HSPG2: variants seen among roughly 807,000 people sequenced by gnomAD.
HSPG2 encodes the protein basement membrane-specific heparan sulfate proteoglycan core protein.
A neutral mutation model predicts 526.6 loss-of-function variants in HSPG2; 278 were observed. That is an observed-to-expected ratio of 0.53 (90% CI 0.48 to 0.58). The LOEUF is 0.58. HSPG2 is among the 20% of genes least tolerant of loss of function. HSPG2 has a pLI of 0.00. For synonymous variants in HSPG2, 2,465 were observed against 2,555.4 expected, an observed-to-expected ratio of 0.96 and a Z score of 1.07; for missense variants, 5,354 against 6,099.5, an observed-to-expected ratio of 0.88 and a Z score of 4.07.
At chr1:21,906,809 A>G (rs1413165738) in intron 1 of HSPG2, among the ~76,000 whole-genome samples, 5 of 152,046 alleles carry the variant, frequency 3.3e-5, no homozygotes, top group Admixed American at 3.3e-4. Flanking sequence ...AAGGCTCACT[A>G]GACTAGGGTT....
At chr1:21,916,545 T>A (rs561321100) in intron 1 of HSPG2, among the ~76,000 whole-genome samples, 1 of 150,578 alleles carries the variant, frequency 6.6e-6, no homozygotes, top group East Asian at 2.0e-4. Context: ...ACAAAAAAAA[T>A]TGCCAGTGTG....
chr1:21,912,408 A>G (rs1051562917), intron 1 of HSPG2, among the ~76,000 whole-genome samples: 1 of 151,524 alleles, frequency 6.6e-6, no homozygotes, highest in Non-Finnish European at 1.5e-5. Context: ...CTCTCCAAAG[A>G]CCCCCGGGGA....
rs554285835 is a variant in HSPG2 at position 21,878,916 on chromosome 1, G to A, written c.2471+78C>T. The A allele has an allele frequency of 2.9e-4, 442 of 1,532,958 alleles. 3 individuals carry two copies. The African/African-American group carries it at 5.1e-3, about 18-fold the overall frequency. 95.0% of individuals were successfully genotyped at this position (1,532,958 alleles called of 1,614,324 possible). A position where few individuals can be genotyped will look rare whatever the true frequency, so the allele number is the denominator to read the frequency against. On this transcript the variant is annotated intron_variant, in intron 18 of 96. Transcript: ENST00000374695. ...GTAGAGATCTGAATCCAAGTCTCCT[G>A]CCTCCCTGCCCAGAATATTCTCTGG...
chr1:21,931,508 G>A (rs768853619), intron 1 of HSPG2, among the ~76,000 whole-genome samples: 2 of 152,216 alleles, frequency 1.3e-5, no homozygotes, highest in Non-Finnish European at 2.9e-5. Context: ...GGGACAGGGA[G>A]AGGTAGGCCC....
In HSPG2 at chr1:21,842,882, G is replaced by A. The variant is rs1462127809; in HGVS notation, c.8798C>T (p.Ser2933Phe). 2.5e-6 allele frequency: 4 copies of A among 1,614,150 alleles called. No individual in the cohort carries two copies. Among genetic ancestry groups the A allele is most frequent in the South Asian group, 1.1e-5 (1 of 91,088 alleles). The change falls in exon 67 of 97, where the codon TCT (serine) becomes TTT (phenylalanine). Residue 2933 changes from serine (S) to phenylalanine (F), a missense_variant. Transcript: ENST00000374695. ...LAQPIYIEAS[S>F]SHVTEGQTLD... ...AGTCTGCCCTTCAGTCACGTGTGAA[G>A]AGGAGGCCTCGATGTAGATGGGCTG...
At chr1:21,934,647 G>C (rs953551774) in intron 1 of HSPG2, among the ~76,000 whole-genome samples, 3 of 151,812 alleles carry the variant, frequency 2.0e-5, no homozygotes, top group Non-Finnish European at 4.4e-5. Context: ...CCAGGCTGGA[G>C]TGCAGTGGCG....
In HSPG2 at chr1:21,865,418, C is replaced by T; in HGVS notation, c.4315-53G>A. On this transcript the variant is annotated intron_variant, in intron 34 of 96. Transcript: ENST00000374695. The surrounding 1 kb of genome is among the most constrained non-coding windows in gnomAD (Gnocchi z 5.4). ...GGGAGCCGAGGGGTCCCTGGGGTGC[C>T]AGGGTGTCCTCCACCAGTCCTAGAT... 6.5e-7 allele frequency: 1 copy of T among 1,534,398 alleles called. No individual in the cohort carries two copies. The highest frequency in any genetic ancestry group is 9.0e-7 in the Non-Finnish European group (1 of 1,108,450).
chr1:21,841,792 G>T, intron 69 of HSPG2, 119 bp from the exon 70 acceptor site: 1 of 1,394,316 alleles, frequency 7.2e-7, no homozygotes, highest in Non-Finnish European at 1.0e-6. Flanking sequence ...GGTGTGTCTA[G>T]CTCATGGAGT....
At chr1:21,833,167 C>T in intron 80 of HSPG2, 101 bp downstream of exon 80, 1 of 976,916 alleles carries the variant, frequency 1.0e-6, no homozygotes, top group Non-Finnish European at 1.6e-6. Context: ...GGGATTGGGG[C>T]AGGACTGAGG....
intron 65 of HSPG2, among the ~76,000 whole-genome samples, chr1:21,843,781 G>GGATTACAGGCATCTGCCACCATGC (rs1228891835): frequency 2.0e-5 from 3 of 152,114 alleles, no homozygotes; most frequent in African/African-American, 7.2e-5. Context: ...TGAGTAGCTG[G>GGATTACAGGCATCTGCCACCATGC]GATTACAGGC....
rs1299319505 is a variant in HSPG2 at position 21,852,077 on chromosome 1, G to A, written c.6870+11C>T. On this transcript the variant is annotated intron_variant, in intron 53 of 96. Coordinates refer to ENST00000374695, the MANE Select transcript of HSPG2 (RefSeq NM_005529.7). ...TCCATGGCCCCGTCCCACATTCTTGGTGCCCTGTACCTGGTGCCGGGCAGG... is the reference window on the plus strand; with the variant it reads ...TCCATGGCCCCGTCCCACATTCTTGATGCCCTGTACCTGGTGCCGGGCAGG... 6.2e-7 allele frequency: 1 copy of A among 1,602,662 alleles called. No homozygotes were observed. Among genetic ancestry groups the A allele is most frequent in the Non-Finnish European group, 8.5e-7 (1 of 1,175,226 alleles).
intron 33 of HSPG2, chr1:21,870,261 C>A (rs1329610744): frequency 1.2e-5 from 12 of 986,000 alleles, no homozygotes; most frequent in African/African-American, 1.7e-5. Flanking sequence ...GCTCTGGGAT[C>A]CTCCCAGCTG....
chr1:21,859,549 G>C lies in HSPG2; in HGVS notation c.5293+17C>G. 6.4e-7 allele frequency: 1 copy of C among 1,556,006 alleles called. No individual in the cohort carries two copies. Among genetic ancestry groups the C allele is most frequent in the Non-Finnish European group, 8.7e-7 (1 of 1,143,782 alleles). ...CCAGGACAGGCAGTCTTGGTTACAGGGGGCGTAGGGACTCACCAGTGACCA... is the reference window on the plus strand; with the variant it reads ...CCAGGACAGGCAGTCTTGGTTACAGCGGGCGTAGGGACTCACCAGTGACCA... On this transcript the variant is annotated intron_variant, in intron 42 of 96. Transcript: ENST00000374695. This position sits in a 1 kb window ranked among gnomAD's most constrained non-coding sequence, Gnocchi z 5.3.
rs769871497 is a variant in HSPG2 at position 21,880,268 on chromosome 1, A to G, written c.2196-14T>C. 6.2e-7 allele frequency: 1 copy of G among 1,614,080 alleles called. No individual in the cohort carries two copies. The highest frequency in any genetic ancestry group is 8.5e-7 in the Non-Finnish European group (1 of 1,180,012). ...CCAATGGGGCATCTGTGGGGACAGG[A>G]CCAAAAGAGTCGCTGCAAGGACGGT... On this transcript the variant is annotated splice_polypyrimidine_tract_variant and intron_variant, in intron 16 of 96. Coordinates refer to ENST00000374695, the MANE Select transcript of HSPG2 (RefSeq NM_005529.7).
intron 1 of HSPG2, among the ~76,000 whole-genome samples, chr1:21,905,162 A>ACCAC (rs748449313): frequency 7.0e-5 from 8 of 114,316 alleles, no homozygotes; most frequent in African/African-American, 1.7e-4. Context: ...ACACACACCC[A>ACCAC]CCACCCACCC....
chr1:21,841,967 CCCAGCTTGCCCA>C, intron 69 of HSPG2, 23 bp downstream of exon 69: 1 of 1,611,656 alleles, frequency 6.2e-7, no homozygotes, highest in Non-Finnish European at 8.5e-7. Context: ...CATGCCTGCC[CCCAGCTTGCCCA>C]CCTGCCCACC....
At chr1:21,905,567 C>A (rs1643338038) in intron 1 of HSPG2, among the ~76,000 whole-genome samples, 1 of 152,176 alleles carries the variant, frequency 6.6e-6, no homozygotes, top group South Asian at 2.1e-4. Context: ...CATGGTGAAA[C>A]CCCATCTCTA....
rs774374155 is a variant in HSPG2, at chr1:21,854,947, T to C, written c.6034A>G (p.Ile2012Val). 4 of 1,613,954 alleles carry C rather than the reference T, an allele frequency of 2.5e-6. No homozygotes were observed. The South Asian group carries it at 3.3e-5, about 13-fold the overall frequency. ...SERTDIATLLIPAITTADAGF... is the reference protein window; with the variant it reads ...SERTDIATLLVPAITTADAGF... ...GCGTCAGCAGTCGTGATGGCTGGGA[T>C]GAGCAGTGTCGCGATGTCTGTGCGC... Residue 2012 changes from isoleucine (I) to valine (V), a missense_variant, in exon 48 of 97, where the codon ATC (isoleucine) becomes GTC (valine). Ile to Val is a conservative substitution (Grantham distance 29). Transcript: ENST00000374695.
intron 1 of HSPG2, among the ~76,000 whole-genome samples, chr1:21,905,138 T>C (rs1643300984): frequency 1.3e-5 from 2 of 150,978 alleles, no homozygotes; most frequent in South Asian, 2.1e-4. Context: ...CCAGGTTCTA[T>C]GTAATCTGTC....
Sources: allele counts gnomAD v4.1 joint callset (sites outside exome capture counted in the v4.1 genomes callset), GRCh38; gene constraint gnomAD v4.1.1; non-coding constraint Gnocchi (gnomAD v3.1); transcripts MANE v1.5; gene names NCBI Gene and HGNC (gene_info 2026-07-23, HGNC 2026-07-21).